RAB44: variants seen among roughly 807,000 people sequenced by gnomAD.
RAB44 encodes the protein RAB44, member RAS oncogene family, also known as ras-related protein Rab-44.
RAB44 carries 67 observed loss-of-function variants against 93.3 expected under a neutral mutation model. That is an observed-to-expected ratio of 0.72 (90% confidence interval 0.59 to 0.88). RAB44 has a LOEUF of 0.88. RAB44 is among the 40% of genes least tolerant of loss of function. RAB44 has a pLI of 0.00. For missense variants in RAB44, 1,064 were observed against 1,261.7 expected, an observed-to-expected ratio of 0.84 and a Z score of 2.37; for synonymous variants, 427 against 520.3, an observed-to-expected ratio of 0.82 and a Z score of 2.44.
chr6:36,712,926 A>T (rs1762822911), intron 2 of RAB44, among the ~76,000 whole-genome samples: 1 of 152,198 alleles, frequency 6.6e-6, no homozygotes, highest in Non-Finnish European at 1.5e-5. Context: ...AAAGGAAAAA[A>T]AGTAACTAGA....
intron 2 of RAB44, among the ~76,000 whole-genome samples, chr6:36,709,587 G>T (rs942099294): frequency 2.6e-5 from 4 of 152,108 alleles, no homozygotes; most frequent in African/African-American, 9.7e-5. Flanking sequence ...ACAGGGTCTT[G>T]CTCTGTTGTC....
rs968643494 is a variant in RAB44 at position 36,720,625 on chromosome 6, T to C, written c.1016+75T>C. On this transcript the variant is annotated intron_variant, in intron 8 of 13. Coordinates refer to ENST00000612677, the MANE Select transcript of RAB44 (RefSeq NM_001257357.2). ...AACCAGTGGGGAACTCTGAGTTCTC[T>C]AAGGATCTAGCTAGCACACAGTGCA... 7.2e-6 allele frequency: 8 copies of C among 1,115,706 alleles called. No homozygotes were observed. The Admixed American group carries it at 1.7e-4, about 24-fold the overall frequency. 69.1% of individuals were successfully genotyped at this position (1,115,706 alleles called of 1,614,324 possible).
In RAB44 at chr6:36,713,938, CAG is replaced by C; in HGVS notation, c.319_319+1del. The C allele has an allele frequency of 6.6e-7, 1 of 1,525,416 alleles. No homozygotes were observed. The highest frequency in any genetic ancestry group is 8.8e-7 in the Non-Finnish European group (1 of 1,137,234). 94.5% of individuals were successfully genotyped at this position (1,525,416 alleles called of 1,614,324 possible). ...CCCTTGAAGAATTCAGCTCTGGACT[CAG>C]TATGTCTGTCTTTGGAGGGCCTCTG... On this transcript the variant is annotated splice_donor_variant and coding_sequence_variant, in exon 3 of 14. Transcript: ENST00000612677. LOFTEE classifies it high-confidence loss of function.
intron 4 of RAB44, 21 bp downstream of exon 4, chr6:36,715,674 G>A (rs1416769759): frequency 2.0e-6 from 3 of 1,533,438 alleles, no homozygotes; most frequent in Non-Finnish European, 2.6e-6. Context: ...GGCGGCATGT[G>A]CATGGGGAGA....
chr6:36,713,993 C>T (rs1253080343), intron 3 of RAB44, 54 bp downstream of exon 3: 1 of 1,136,602 alleles, frequency 8.8e-7, no homozygotes, highest in Non-Finnish European at 1.3e-6. Flanking sequence ...TGCAGTGTGC[C>T]CTGCATGGGG....
chr6:36,707,112 G>T (rs1233752137), intron 2 of RAB44, among the ~76,000 whole-genome samples: 2 of 152,114 alleles, frequency 1.3e-5, no homozygotes, highest in Non-Finnish European at 2.9e-5. Flanking sequence ...CTGAGATTAG[G>T]AGTTCCTGAC....
At chr6:36,729,035 C>T (rs1004062799) in intron 12 of RAB44, among the ~76,000 whole-genome samples, 2 of 152,136 alleles carry the variant, frequency 1.3e-5, no homozygotes, top group African/African-American at 4.8e-5. Flanking sequence ...GCTGGAGTGG[C>T]GGGCGTGACA....
chr6:36,702,018 A>G (rs1312268535), intron 1 of RAB44, among the ~76,000 whole-genome samples: 1 of 151,522 alleles, frequency 6.6e-6, no homozygotes. Context: ...GTTGTTGCTT[A>G]TGTGCATGAT....
chr6:36,722,864 T>C (rs973413921), intron 9 of RAB44, 131 bp downstream of exon 9: 5 of 1,023,258 alleles, frequency 4.9e-6, no homozygotes, highest in Admixed American at 5.5e-5. Flanking sequence ...GGCCCTGCAT[T>C]AGACATTGTT....
rs1019081229 is a variant in RAB44 at position 36,715,666 on chromosome 6, C to G, written c.494+13C>G. 1 of 1,535,010 alleles carries G rather than the reference C, an allele frequency of 6.5e-7. No homozygotes were observed. Among genetic ancestry groups the G allele is most frequent in the South Asian group, 1.2e-5 (1 of 83,996 alleles). On this transcript the variant is annotated intron_variant, in intron 4 of 13. Transcript: ENST00000612677. ...ACTTACTTCCCAAGTAAGGCCAGGG[C>G]GGCATGTGCATGGGGAGAGGCTCTG...
At chr6:36,710,640 T>C (rs1326324135) in intron 2 of RAB44, among the ~76,000 whole-genome samples, 1 of 104,588 alleles carries the variant, frequency 9.6e-6, no homozygotes, top group Non-Finnish European at 1.7e-5. Flanking sequence ...CTCCGCCTCC[T>C]GGGAGTCTCA....
intron 9 of RAB44, 64 bp from the exon 10 acceptor site, chr6:36,725,798 T>C: frequency 8.9e-7 from 1 of 1,126,136 alleles, no homozygotes; most frequent in South Asian, 1.3e-5. Context: ...TATACTGGGG[T>C]AGGCCTTGGC....
chr6:36,714,742 A>T lies in RAB44; in HGVS notation c.320-737A>T, dbSNP rs531595146. On this transcript the variant is annotated intron_variant, in intron 3 of 13. Coordinates refer to ENST00000612677, the MANE Select transcript of RAB44 (RefSeq NM_001257357.2). The stretch of plus-strand genomic sequence containing the variant: ...GGGGCCGTCTTCATTCCTGAATCGA[A>T]TCATGCCCGCCACGCCAGGAACTTC... 1.9e-3 allele frequency among the ~76,000 whole-genome samples: 284 copies of T among 152,276 alleles called. 1 individual carries two copies. Among genetic ancestry groups the T allele is most frequent in the African/African-American group, 6.7e-3 (277 of 41,538 alleles).
In RAB44 at chr6:36,730,614, G is replaced by A. The variant is rs115336581; in HGVS notation, c.2899-59G>A. 743 of 1,085,938 alleles carry A rather than the reference G, an allele frequency of 6.8e-4. 3 individuals are homozygous for A. In the African/African-American group the frequency reaches 0.011, roughly 16 times the overall value. 67.3% of individuals were successfully genotyped at this position (1,085,938 alleles called of 1,614,324 possible). On this transcript the variant is annotated intron_variant, in intron 12 of 13. Transcript: ENST00000612677. Reference sequence around the variant, plus strand: ...GCCGGGACTTTAGTGGCGGGGTATGGCCTGGCCTTTCAGTTGTCTCTCCCA... The same window carrying A: ...GCCGGGACTTTAGTGGCGGGGTATGACCTGGCCTTTCAGTTGTCTCTCCCA...
intron 2 of RAB44, among the ~76,000 whole-genome samples, chr6:36,712,004 CAAAAGT>C (rs1762800890): frequency 6.6e-6 from 1 of 152,192 alleles, no homozygotes; most frequent in African/African-American, 2.4e-5. Flanking sequence ...AGCCACAGAT[CAAAAGT>C]AAACACAGCA....
intron 1 of RAB44, among the ~76,000 whole-genome samples, 198 bp from the exon 2 acceptor site, chr6:36,704,026 G>C (rs1368865019): frequency 6.6e-6 from 1 of 152,256 alleles, no homozygotes; most frequent in Non-Finnish European, 1.5e-5. Flanking sequence ...AAAGGGCAAA[G>C]GCGTTGAGCA....
intron 2 of RAB44, among the ~76,000 whole-genome samples, chr6:36,711,696 A>G (rs958428533): frequency 1.3e-5 from 2 of 152,212 alleles, no homozygotes; most frequent in African/African-American, 2.4e-5. Flanking sequence ...TAGTACGCTA[A>G]GTTATTAATA....
rs1763362071 is a variant in RAB44 at position 36,731,442 on chromosome 6, G to A, written c.2976-561G>A. On this transcript the variant is annotated intron_variant, in intron 13 of 13. Coordinates refer to ENST00000612677, the MANE Select transcript of RAB44 (RefSeq NM_001257357.2). The surrounding 1 kb of genome is among the most constrained non-coding windows in gnomAD (Gnocchi z 4.0). ...TAGGTGCTCCATAAATGAATAAAAT[G>A]AGTAAGGCATGAGGGGAGCTAGATC... 6.6e-6 allele frequency among the ~76,000 whole-genome samples: 1 copy of A among 152,240 alleles called. No individual in the cohort carries two copies. The highest frequency in any genetic ancestry group is 2.4e-5 in the African/African-American group (1 of 41,452).
rs1030507880 is a variant in RAB44 at position 36,721,526 on chromosome 6, C to G, written c.1392C>G (p.His464Gln). 1 of 1,234,394 alleles carries G rather than the reference C, an allele frequency of 8.1e-7. No individual in the cohort carries two copies. The highest frequency in any genetic ancestry group is 1.6e-5 in the African/African-American group (1 of 64,500). The allele number at this position is 1,234,394 out of a possible 1,614,324, so 76.5% of individuals were successfully genotyped here. A position where few individuals can be genotyped will look rare whatever the true frequency, so the allele number is the denominator to read the frequency against. Residue 464 changes from histidine to glutamine, a missense_variant, in exon 9 of 14, where the codon CAC (histidine) becomes CAG (glutamine). By Grantham distance (24) the His-to-Gln change is conservative (BLOSUM62 0). Transcript: ENST00000612677. The stretch of plus-strand genomic sequence containing the variant: ...GAGCAGAGCAGCCTGTTGAACCGCA[C>G]GACCCGGACCCCAACCAGGAGCCAG... Reference protein sequence around the residue: ...DIRAEQPVEPHDPDPNQEPGS... With the variant: ...DIRAEQPVEPQDPDPNQEPGS...
Sources: allele counts gnomAD v4.1 joint callset (sites outside exome capture counted in the v4.1 genomes callset), GRCh38; gene constraint gnomAD v4.1.1; non-coding constraint Gnocchi (gnomAD v3.1); transcripts MANE v1.5; gene names NCBI Gene and HGNC (gene_info 2026-07-23, HGNC 2026-07-21).